The following SNX29 variants were observed in gnomAD, a reference collection of about 807,000 sequenced individuals.
SNX29 encodes sorting nexin 29.
Under a neutral mutation model 102.1 loss-of-function variants are expected in SNX29, and 78 were observed. That is an observed-to-expected ratio of 0.76 (90% CI 0.64 to 0.92). SNX29 has a LOEUF of 0.92. Ranked by LOEUF, SNX29 falls within the 40% of genes least tolerant of loss-of-function variation. The pLI is 0.00. For missense variants in SNX29, 1,280 were observed against 1,061.7 expected (o/e 1.21, Z -2.86); for synonymous variants, 580 against 414.5 (o/e 1.40, Z -4.85).
intron 13 of SNX29, among the ~76,000 whole-genome samples, chr16:12,195,294 A>G (rs1402040260): frequency 6.6e-6 from 1 of 152,238 alleles, no homozygotes; most frequent in Non-Finnish European, 1.5e-5. Context: ...ACATTATCAG[A>G]CAATTAATTT....
chr16:12,028,179 G>T (rs907275311), intron 4 of SNX29, among the ~76,000 whole-genome samples: 1 of 152,126 alleles, frequency 6.6e-6, no homozygotes, highest in Non-Finnish European at 1.5e-5. Context: ...TGTCAGTGTC[G>T]TTGCTGAGTA....
intron 20 of SNX29, chr16:12,527,363 A>C (rs952800484): frequency 1.2e-5 from 6 of 505,736 alleles, no homozygotes; most frequent in African/African-American, 1.2e-4. Flanking sequence ...TTAAAAAAAA[A>C]TAAAAAATAA....
At chr16:12,539,924 TTGTATA>T (rs771871034) in intron 20 of SNX29, among the ~76,000 whole-genome samples, 30 of 152,234 alleles carry the variant, frequency 2.0e-4, no homozygotes, top group Non-Finnish European at 4.1e-4. Flanking sequence ...TGGGAGTTCT[TTGTATA>T]TGTTAGATGC....
At chr16:12,490,523 C>T (rs1319589644) in intron 19 of SNX29, among the ~76,000 whole-genome samples, 4 of 152,194 alleles carry the variant, frequency 2.6e-5, no homozygotes, top group Non-Finnish European at 4.4e-5. Context: ...TTACATACTT[C>T]TTCTGCTGGC....
chr16:12,396,397 T>C (rs996921014), intron 16 of SNX29, among the ~76,000 whole-genome samples: 1 of 152,144 alleles, frequency 6.6e-6, no homozygotes. Context: ...CAGTTGGAAA[T>C]GAGGCTGCAT....
chr16:12,162,007 C>T (rs2055806148), intron 13 of SNX29, among the ~76,000 whole-genome samples: 1 of 152,166 alleles, frequency 6.6e-6, no homozygotes, highest in African/African-American at 2.4e-5. Flanking sequence ...AATCCCTCAC[C>T]ACCCCTGTTG....
chr16:12,362,562 A>ACCCCC (rs796459458), intron 16 of SNX29, among the ~76,000 whole-genome samples: 5 of 19,990 alleles, frequency 2.5e-4, no homozygotes, highest in East Asian at 2.1e-3. Context: ...CTCCCCCCCC[A>ACCCCC]CCCCCCCCCC....
chr16:12,331,206 G>C (rs570451337), intron 15 of SNX29, among the ~76,000 whole-genome samples: 103 of 152,278 alleles, frequency 6.8e-4, no homozygotes, highest in Non-Finnish European at 1.3e-3. Flanking sequence ...CCAGGCTGCT[G>C]GGCTTGGCTG....
chr16:11,977,382 C>G (rs2055325560), intron 1 of SNX29: 1 of 153,028 alleles, frequency 6.5e-6, no homozygotes, highest in African/African-American at 2.4e-5. Flanking sequence ...ATCCCTCCCA[C>G]CCCTGTTCCC....
intron 18 of SNX29, among the ~76,000 whole-genome samples, chr16:12,456,507 G>A (rs369558351): frequency 1.2e-4 from 9 of 73,170 alleles, no homozygotes; most frequent in African/African-American, 4.0e-4. Flanking sequence ...ATGTGTGCAC[G>A]TGTGTGTGTG....
intron 20 of SNX29, among the ~76,000 whole-genome samples, chr16:12,566,822 C>T (rs772622862): frequency 8.5e-4 from 129 of 152,346 alleles, no homozygotes; most frequent in Admixed American, 3.3e-3. Context: ...AGAGCAGCTC[C>T]GGCTTTGTTC....
At chr16:12,050,776 A>T (rs149211603) in intron 7 of SNX29, among the ~76,000 whole-genome samples, 3 of 152,082 alleles carry the variant, frequency 2.0e-5, no homozygotes, top group African/African-American at 4.8e-5. Flanking sequence ...CAATGGCGCA[A>T]TCTTGGCTCA....
At chr16:12,464,229 C>CGTGTGTGTGTGT (rs138917966) in intron 18 of SNX29, among the ~76,000 whole-genome samples, 98 of 141,018 alleles carry the variant, frequency 6.9e-4, no homozygotes, top group East Asian at 5.9e-3. Context: ...TATTCCATGG[C>CGTGTGTGTGTGT]GTGTGTGTGT....
At chr16:12,455,448 T>TGGCCAC (rs1567581037) in intron 18 of SNX29, among the ~76,000 whole-genome samples, 1 of 152,058 alleles carries the variant, frequency 6.6e-6, no homozygotes, top group Non-Finnish European at 1.5e-5. Context: ...TAGGTGGCGG[T>TGGCCAC]GGCCACCTGC....
At chr16:12,517,100 C>T (rs1057039339) in intron 19 of SNX29, among the ~76,000 whole-genome samples, 8 of 152,156 alleles carry the variant, frequency 5.3e-5, no homozygotes, top group Non-Finnish European at 8.8e-5. Flanking sequence ...GCATCATTGA[C>T]GATGGCGTTA....
chr16:12,179,980 G>A (rs2076345575), intron 13 of SNX29, among the ~76,000 whole-genome samples: 2 of 152,074 alleles, frequency 1.3e-5, no homozygotes, highest in Non-Finnish European at 2.9e-5. Flanking sequence ...TCAGGTACAT[G>A]GCATGTTCTT....
rs2079015652 is a variant in SNX29, at chr16:12,269,027, C to G, written c.1679-8906C>G. Among the ~76,000 whole-genome samples the G allele has an allele frequency of 2.0e-5, 3 of 152,276 alleles. No individual in the cohort carries two copies. The South Asian group carries it at 6.2e-4, about 32-fold the overall frequency. On this transcript the variant is annotated intron_variant, in intron 14 of 20. Coordinates refer to ENST00000566228, the MANE Select transcript of SNX29 (RefSeq NM_032167.5). Reference sequence around the variant, plus strand: ...GACCTGCTGATGGTACTGACTAACCCACAGCTTTTCTGGAACATGAAAATT... The same window carrying G: ...GACCTGCTGATGGTACTGACTAACCGACAGCTTTTCTGGAACATGAAAATT...
At chr16:12,388,269 A>T (rs1451792274) in intron 16 of SNX29, among the ~76,000 whole-genome samples, 1 of 152,208 alleles carries the variant, frequency 6.6e-6, no homozygotes, top group Non-Finnish European at 1.5e-5. Flanking sequence ...GTCTGTGGGC[A>T]TGTCACTTAG....
intron 20 of SNX29, among the ~76,000 whole-genome samples, chr16:12,540,565 C>T (rs2077286427): frequency 6.6e-6 from 1 of 152,198 alleles, no homozygotes; most frequent in African/African-American, 2.4e-5. Flanking sequence ...GCCATGGCCC[C>T]TTCTTTGCTT....
Sources: gnomAD v4.1 joint callset for allele counts (sites outside exome capture counted in the v4.1 genomes callset) on GRCh38, gnomAD v4.1.1 for gene constraint, MANE v1.5 for transcripts, NCBI Gene and HGNC (gene_info 2026-07-23, HGNC 2026-07-21) for gene names.